MGAT5: variants seen among roughly 807,000 people sequenced by gnomAD.
The protein encoded by MGAT5 is alpha-1,6-mannosylglycoprotein 6-beta-N-acetylglucosaminyltransferase, also known as alpha-1,6-mannosylglycoprotein 6-beta-N-acetylglucosaminyltransferase A.
A neutral mutation model predicts 94.3 loss-of-function variants in MGAT5; 30 were observed. That is an observed-to-expected ratio of 0.32 (90% CI 0.24 to 0.43). The LOEUF is 0.43. Ranked by LOEUF, MGAT5 falls within the 20% of genes least tolerant of loss-of-function variation. The pLI, the probability that MGAT5 is intolerant of heterozygous loss-of-function variation, is 1.00. For synonymous variants in MGAT5, 310 were observed against 322.9 expected (o/e 0.96, Z 0.43); for missense variants, 691 against 905.5 (o/e 0.76, Z 3.04).
At chr2:134,219,970 T>C (rs1006574186) in intron 1 of MGAT5, among the ~76,000 whole-genome samples, 1 of 152,172 alleles carries the variant, frequency 6.6e-6, no homozygotes, top group East Asian at 1.9e-4. Context: ...TAAAGGAATT[T>C]AAATGGAGCT....
At chr2:134,359,234 A>G (rs1679935427) in intron 9 of MGAT5, among the ~76,000 whole-genome samples, 1 of 152,202 alleles carries the variant, frequency 6.6e-6, no homozygotes, top group African/African-American at 2.4e-5. Context: ...ACCTTAGAAC[A>G]TTATTTTCCT....
chr2:134,121,993 C>T (rs1022012751), intron 1 of MGAT5, among the ~76,000 whole-genome samples: 1 of 152,098 alleles, frequency 6.6e-6, no homozygotes, highest in African/African-American at 2.4e-5. Flanking sequence ...AATTTTCACC[C>T]TCCTCCCCCC....
intron 1 of MGAT5, among the ~76,000 whole-genome samples, chr2:134,241,165 A>G (rs541781857): frequency 1.3e-5 from 2 of 152,248 alleles, no homozygotes; most frequent in Non-Finnish European, 2.9e-5. Flanking sequence ...CTCTGCCCAT[A>G]TAACCCGTGG....
At chr2:134,186,899 A>G (rs1207906061) in intron 1 of MGAT5, among the ~76,000 whole-genome samples, 7 of 152,102 alleles carry the variant, frequency 4.6e-5, no homozygotes, top group African/African-American at 1.7e-4. Context: ...TGTGAAGAAA[A>G]ACCAAGTAGG....
At chr2:134,119,981 G>A (rs1468984033), upstream of MGAT5, 1 of 152,336 alleles carries the variant, frequency 6.6e-6, no homozygotes, top group East Asian at 1.9e-4. Context: ...GGTTGGCTAG[G>A]GGAAGGTTGC....
chr2:134,129,955 C>T (rs557408651), intron 1 of MGAT5, among the ~76,000 whole-genome samples: 9 of 152,264 alleles, frequency 5.9e-5, no homozygotes, highest in Admixed American at 1.3e-4. Context: ...GAGGCGCAGG[C>T]GGGAACCAGG....
In MGAT5 at chr2:134,338,507, C is replaced by T. The variant is rs1419919512; in HGVS notation, c.807+87C>T. On this transcript the variant is annotated intron_variant, in intron 6 of 15. Transcript: ENST00000281923. ...TTGGAAACAAGACTAAGAGAAATGTCATATCTCAAATGATATTCTCTCAGG... is the reference window on the plus strand; with the variant it reads ...TTGGAAACAAGACTAAGAGAAATGTTATATCTCAAATGATATTCTCTCAGG... 7 of 1,377,452 alleles carry T rather than the reference C, an allele frequency of 5.1e-6. No homozygotes were observed. The East Asian group carries it at 1.2e-4, about 23-fold the overall frequency. 85.3% of individuals were successfully genotyped at this position (1,377,452 alleles called of 1,614,324 possible).
At chr2:134,409,474 C>T (rs576481380) in intron 11 of MGAT5, among the ~76,000 whole-genome samples, 1 of 152,176 alleles carries the variant, frequency 6.6e-6, no homozygotes, top group Admixed American at 6.5e-5. Flanking sequence ...CCAGAACCTG[C>T]GCTGTTAATT....
chr2:134,402,028 TTA>T (rs1683085845), intron 10 of MGAT5, among the ~76,000 whole-genome samples: 1 of 152,190 alleles, frequency 6.6e-6, no homozygotes, highest in South Asian at 2.1e-4. Flanking sequence ...AAACCAGCTA[TTA>T]TTAGATTTGC....
intron 12 of MGAT5, among the ~76,000 whole-genome samples, chr2:134,420,215 A>T (rs1684219127): frequency 6.6e-6 from 1 of 152,196 alleles, no homozygotes; most frequent in Non-Finnish European, 1.5e-5. Context: ...TCATTGATGC[A>T]TAATAAACCT....
rs1686172976 is a variant in MGAT5, at chr2:134,452,781, C to G, written c.*3934C>G. On this transcript the variant is annotated 3_prime_UTR_variant, in exon 16 of 16. Coordinates refer to ENST00000281923, the MANE Select transcript of MGAT5 (RefSeq NM_002410.5). ...TATTTATTTAAAAGTATTTTAATTT[C>G]CATATTGGCTTTATTCTAATCCCAT... is the stretch of plus-strand genomic sequence containing the variant. 1 of 152,222 alleles carries G rather than the reference C, an allele frequency of 6.6e-6. No homozygotes were observed. 9.4% of individuals were successfully genotyped at this position (152,222 alleles called of 1,614,324 possible).
At chr2:134,313,037 A>AACACACACAC (rs201311442) in intron 2 of MGAT5, among the ~76,000 whole-genome samples, 8 of 139,300 alleles carry the variant, frequency 5.7e-5, no homozygotes, top group South Asian at 2.4e-4. Context: ...GCAAGAAATA[A>AACACACACAC]ACACACACAC....
rs1226000192 is a variant in MGAT5, at chr2:134,451,341, G to C, written c.*2494G>C. The C allele has an allele frequency of 6.6e-6, 1 of 152,232 alleles. No individual in the cohort carries two copies. The highest frequency in any genetic ancestry group is 1.5e-5 in the Non-Finnish European group (1 of 68,068). 9.4% of individuals were successfully genotyped at this position (152,232 alleles called of 1,614,324 possible). A position where few individuals can be genotyped will look rare whatever the true frequency, so the allele number is the denominator to read the frequency against. On this transcript the variant is annotated 3_prime_UTR_variant, in exon 16 of 16. Coordinates refer to ENST00000281923, the MANE Select transcript of MGAT5 (RefSeq NM_002410.5). ...GTCCAGTATTGAGTGGAAGTGCGCC[G>C]GAGTTCCACTGACAGGGCAGCTGCT...
intron 9 of MGAT5, among the ~76,000 whole-genome samples, chr2:134,361,028 C>A (rs1006175260): frequency 6.6e-6 from 1 of 152,206 alleles, no homozygotes; most frequent in African/African-American, 2.4e-5. Context: ...TGTTCCCCTG[C>A]GTGCATGGCG....
At chr2:134,353,201 A>G (rs1451065094) in intron 9 of MGAT5, among the ~76,000 whole-genome samples, 4 of 151,798 alleles carry the variant, frequency 2.6e-5, no homozygotes, top group Admixed American at 6.6e-5. Context: ...TTTTACCACA[A>G]TAAAAATTCA....
chr2:134,430,667 C>A (rs1351345068), intron 14 of MGAT5, among the ~76,000 whole-genome samples: 1 of 152,036 alleles, frequency 6.6e-6, no homozygotes, highest in Non-Finnish European at 1.5e-5. Context: ...CACCGCCCCC[C>A]ACCCCCACCA....
chr2:134,252,379 A>T (rs1480899906), upstream of MGAT5, among the ~76,000 whole-genome samples: 1 of 152,194 alleles, frequency 6.6e-6, no homozygotes, highest in East Asian at 1.9e-4. Flanking sequence ...TTACGTTATG[A>T]TAGTACAAGA....
chr2:134,426,628 T>G (rs1684604415), intron 13 of MGAT5, among the ~76,000 whole-genome samples: 2 of 152,200 alleles, frequency 1.3e-5, no homozygotes, highest in South Asian at 4.1e-4. Context: ...GATCATTCCT[T>G]CTATGAATCT....
intron 14 of MGAT5, among the ~76,000 whole-genome samples, chr2:134,439,994 A>G (rs188133051): frequency 6.6e-6 from 1 of 152,352 alleles, no homozygotes; most frequent in East Asian, 1.9e-4. Context: ...GAGGAAAAGT[A>G]GGCTACTCTA....
Sources: allele counts gnomAD v4.1 joint callset (sites outside exome capture counted in the v4.1 genomes callset), GRCh38; gene constraint gnomAD v4.1.1; transcripts MANE v1.5; gene names NCBI Gene and HGNC (gene_info 2026-07-23, HGNC 2026-07-21).